Variants in CTXN2 observed in about 807,000 individuals in gnomAD.
CTXN2 encodes the protein cortexin-2.
CTXN2 carries 3 observed loss-of-function variants against 5.7 expected under a neutral mutation model. The ratio of observed to expected loss-of-function variants is 0.53; its 90% confidence interval spans 0.24 to 1.36. CTXN2 has a LOEUF of 1.36. Among genes scored for constraint, CTXN2 ranks in the 40% most tolerant of loss-of-function variants. The pLI, the probability that CTXN2 is intolerant of heterozygous loss-of-function variation, is 0.17. For synonymous variants in CTXN2, 38 were observed against 36.4 expected, an observed-to-expected ratio of 1.04 and a Z score of -0.16; for missense variants, 87 against 93.0, an observed-to-expected ratio of 0.94 and a Z score of 0.26.
At chr15:48,199,800 T>C (rs1429638393) in intron 1 of CTXN2, among the ~76,000 whole-genome samples, 11 of 152,158 alleles carry the variant, frequency 7.2e-5, no homozygotes, top group African/African-American at 2.7e-4. Flanking sequence ...CTTCTCACTA[T>C]ACTATATTGA....
chr15:48,187,836 C>T (rs1379157077), upstream of CTXN2, among the ~76,000 whole-genome samples: 1 of 152,096 alleles, frequency 6.6e-6, no homozygotes, highest in Non-Finnish European at 1.5e-5. Context: ...AAGTCTTAGT[C>T]ATATAAGGGA....
chr15:48,196,666 G>A (rs754434929), intron 1 of CTXN2, among the ~76,000 whole-genome samples: 2 of 152,038 alleles, frequency 1.3e-5, no homozygotes, highest in Non-Finnish European at 2.9e-5. Context: ...CATATTAGTA[G>A]CAAACTTTTG....
At chr15:48,197,941 G>T (rs928100504) in intron 1 of CTXN2, among the ~76,000 whole-genome samples, 3 of 152,090 alleles carry the variant, frequency 2.0e-5, no homozygotes, top group African/African-American at 7.2e-5. Flanking sequence ...GTAATGTAGA[G>T]GGCAGGCACA....
At chr15:48,192,046 A>G (rs1597384601) in intron 1 of CTXN2, 193 bp downstream of exon 1, 4 of 327,170 alleles carry the variant, frequency 1.2e-5, no homozygotes, top group South Asian at 9.7e-5. Context: ...GAGAAACAGC[A>G]CCCCTAATGC....
chr15:48,196,485 G>A (rs1371005839), intron 1 of CTXN2, among the ~76,000 whole-genome samples: 1 of 152,020 alleles, frequency 6.6e-6, no homozygotes, highest in Non-Finnish European at 1.5e-5. Flanking sequence ...GGAGACCCAC[G>A]TCCATGATTA....
At chr15:48,197,695 G>A (rs897011668) in intron 1 of CTXN2, among the ~76,000 whole-genome samples, 1 of 152,024 alleles carries the variant, frequency 6.6e-6, no homozygotes, top group African/African-American at 2.4e-5. Context: ...ATTTTCCCTA[G>A]TTATACTGCA....
At chr15:48,180,047 G>A (rs564443979) in intron 1 of CTXN2, among the ~76,000 whole-genome samples, 1 of 152,150 alleles carries the variant, frequency 6.6e-6, no homozygotes, top group Non-Finnish European at 1.5e-5. Context: ...GAGGGCTAAT[G>A]TAAAAAGTAC....
Position 48,201,620 on chromosome 15 carries a change from G to T in CTXN2, c.*74G>T. 7.0e-7 allele frequency: 1 copy of T among 1,431,090 alleles called. No homozygotes were observed. The highest frequency in any genetic ancestry group is 9.5e-7 in the Non-Finnish European group (1 of 1,055,506). The allele number at this position is 1,431,090 out of a possible 1,614,324, so 88.6% of individuals were successfully genotyped here. On this transcript the variant is annotated 3_prime_UTR_variant, in exon 2 of 2. Transcript: ENST00000417307. ...GGATACAATTGTAACTACCTTGAGG[G>T]TGTGGGAGAGAGGCTCATTTTGTTC...
upstream of CTXN2, chr15:48,191,610 G>T (rs945158910): frequency 9.3e-6 from 4 of 429,476 alleles, no homozygotes; most frequent in Non-Finnish European, 1.9e-5. Flanking sequence ...ATCCATGCAC[G>T]TTTTCCTGCA....
At position 48,195,771 on chromosome 15, in the gene CTXN2, T is replaced by C. The variant is rs144534045; in HGVS notation, c.-58+3918T>C. Reference sequence around the variant, plus strand: ...TTTTTCACCAAGATGTTGAAGATAGTATCAACACTATGTGGGTGTTGTGGG... The same window carrying C: ...TTTTTCACCAAGATGTTGAAGATAGCATCAACACTATGTGGGTGTTGTGGG... On this transcript the variant is annotated intron_variant, in intron 1 of 1. Coordinates refer to ENST00000417307, the MANE Select transcript of CTXN2 (RefSeq NM_001145668.2). 8.1e-4 allele frequency among the ~76,000 whole-genome samples: 124 copies of C among 152,284 alleles called. 2 individuals are homozygous for C. Among genetic ancestry groups the C allele is most frequent in the African/African-American group, 2.8e-3 (118 of 41,578 alleles).
chr15:48,188,586 G>A (rs1320817335), upstream of CTXN2, among the ~76,000 whole-genome samples: 1 of 152,134 alleles, frequency 6.6e-6, no homozygotes, highest in Non-Finnish European at 1.5e-5. Flanking sequence ...GTTTCACATA[G>A]AATTACTGTA....
chr15:48,191,592 C>A, upstream of CTXN2: 1 of 413,480 alleles, frequency 2.4e-6, no homozygotes, highest in Admixed American at 2.5e-5. Flanking sequence ...CACTGCCACA[C>A]CGAAGAAATC....
intron 1 of CTXN2, among the ~76,000 whole-genome samples, chr15:48,179,959 T>C (rs918116383): frequency 3.3e-5 from 5 of 152,186 alleles, no homozygotes; most frequent in Non-Finnish European, 7.3e-5. Flanking sequence ...AATGCAAGAT[T>C]TTTTTAAGAG....
intron 1 of CTXN2, among the ~76,000 whole-genome samples, chr15:48,200,118 G>A (rs2040916058): frequency 6.6e-6 from 1 of 151,732 alleles, no homozygotes; most frequent in African/African-American, 2.4e-5. Flanking sequence ...TGAAAATTAG[G>A]TCCAAACAAA....
chr15:48,195,436 C>CAAATAGATT, intron 1 of CTXN2, among the ~76,000 whole-genome samples: 1 of 152,132 alleles, frequency 6.6e-6, no homozygotes, highest in East Asian at 1.9e-4. Context: ...AGCCTTTAAG[C>CAAATAGATT]AAATAGATTT....
upstream of CTXN2, chr15:48,190,829 CTGT>C (rs545863098): frequency 3.1e-3 from 465 of 152,352 alleles, 1 homozygote; most frequent in Non-Finnish European, 4.9e-3. Context: ...AGCAAGGTTT[CTGT>C]TGTTGTTTTT....
At chr15:48,184,859 T>A (rs1372019001) in intron 1 of CTXN2, among the ~76,000 whole-genome samples, 1 of 152,208 alleles carries the variant, frequency 6.6e-6, no homozygotes, top group South Asian at 2.1e-4. Flanking sequence ...ATTTATAGTA[T>A]CTTTATTCAT....
chr15:48,186,909 CAAAAAAAAA>C (rs751653728), upstream of CTXN2, among the ~76,000 whole-genome samples: 3 of 44,556 alleles, frequency 6.7e-5, no homozygotes, highest in Non-Finnish European at 1.4e-4. Flanking sequence ...GACTCCATCT[CAAAAAAAAA>C]AAAAAAAAAA....
upstream of CTXN2, among the ~76,000 whole-genome samples, chr15:48,186,909 CAAAAAAAAAAAAA>C (rs751653728): frequency 2.4e-3 from 109 of 44,572 alleles, 1 homozygote; most frequent in Non-Finnish European, 6.6e-4. Context: ...GACTCCATCT[CAAAAAAAAAAAAA>C]AAAAAAAAAG....
Sources: allele counts gnomAD v4.1 joint callset (sites outside exome capture counted in the v4.1 genomes callset), GRCh38; gene constraint gnomAD v4.1.1; transcripts MANE v1.5; gene names NCBI Gene and HGNC (gene_info 2026-07-23, HGNC 2026-07-21).